Variants in CLYBL observed in about 807,000 individuals in gnomAD.
CLYBL encodes the protein citramalyl-CoA lyase.
A neutral mutation model predicts 38.9 loss-of-function variants in CLYBL; 31 were observed. That is an observed-to-expected ratio of 0.80 (90% CI 0.60 to 1.08). The LOEUF (loss-of-function observed/expected upper bound fraction) is 1.08. Among genes scored for constraint, CLYBL ranks in the 50% least tolerant of loss-of-function variants. The pLI, the probability that CLYBL is intolerant of heterozygous loss-of-function variation, is 0.00. For synonymous variants in CLYBL, 171 were observed against 158.6 expected (o/e 1.08, Z -0.59); for missense variants, 434 against 411.6 (o/e 1.05, Z -0.47).
At chr13:99,881,189 A>G (rs910827081) in intron 7 of CLYBL, among the ~76,000 whole-genome samples, 2 of 152,194 alleles carry the variant, frequency 1.3e-5, no homozygotes, top group African/African-American at 4.8e-5. Flanking sequence ...GATTAGCACA[A>G]TGTGAATTGG....
At chr13:99,832,488 G>A (rs966029346) in intron 2 of CLYBL, among the ~76,000 whole-genome samples, 1 of 152,204 alleles carries the variant, frequency 6.6e-6, no homozygotes, top group Non-Finnish European at 1.5e-5. Flanking sequence ...CATGTCATTG[G>A]ATAGTGATAA....
chr13:99,769,239 T>C (rs111673127), intron 1 of CLYBL, among the ~76,000 whole-genome samples: 7 of 152,322 alleles, frequency 4.6e-5, no homozygotes, highest in African/African-American at 1.7e-4. Flanking sequence ...GCTGCTCTGC[T>C]AAGAGCTGAA....
At chr13:99,825,542 T>G (rs2050678384) in intron 2 of CLYBL, among the ~76,000 whole-genome samples, 1 of 152,142 alleles carries the variant, frequency 6.6e-6, no homozygotes, top group Non-Finnish European at 1.5e-5. Context: ...CATTTATTAA[T>G]ATAAAGATTA....
chr13:99,863,497 C>T (rs2051661457), intron 4 of CLYBL, among the ~76,000 whole-genome samples: 2 of 152,148 alleles, frequency 1.3e-5, no homozygotes, highest in Non-Finnish European at 2.9e-5. Flanking sequence ...ATGTTCTGCC[C>T]TCTCTGTAGC....
At chr13:99,733,561 G>C (rs1415243342) in intron 1 of CLYBL, among the ~76,000 whole-genome samples, 1 of 152,184 alleles carries the variant, frequency 6.6e-6, no homozygotes, top group South Asian at 2.1e-4. Flanking sequence ...AGGAACACCA[G>C]GTCATTATCG....
chr13:99,631,420 A>T (rs1244265638), intron 1 of CLYBL, among the ~76,000 whole-genome samples: 1 of 151,884 alleles, frequency 6.6e-6, no homozygotes, highest in Non-Finnish European at 1.5e-5. Context: ...TATATTACAT[A>T]CATATATGTG....
intron 1 of CLYBL, among the ~76,000 whole-genome samples, chr13:99,666,333 C>T (rs2047480774): frequency 6.6e-6 from 1 of 152,062 alleles, no homozygotes; most frequent in Non-Finnish European, 1.5e-5. Context: ...TGTGACCACA[C>T]CTGAGTGGCT....
At chr13:99,739,697 G>C (rs1048439744) in intron 1 of CLYBL, among the ~76,000 whole-genome samples, 1 of 152,212 alleles carries the variant, frequency 6.6e-6, no homozygotes, top group Non-Finnish European at 1.5e-5. Flanking sequence ...CTTGTGGCCG[G>C]GCATGGTGGC....
chr13:99,882,981 C>G (rs114616933), intron 7 of CLYBL, among the ~76,000 whole-genome samples: 2,135 of 151,950 alleles, frequency 0.014, 62 homozygotes, highest in African/African-American at 0.049. Context: ...GCCAGGCCAG[C>G]CCAGCCCAGC....
intron 1 of CLYBL, among the ~76,000 whole-genome samples, chr13:99,609,591 C>T (rs2046594467): frequency 6.6e-6 from 1 of 152,214 alleles, no homozygotes; most frequent in African/African-American, 2.4e-5. Flanking sequence ...GGCTGGAGTG[C>T]AGTGGTGCAA....
rs1305599098 is a variant in CLYBL, at chr13:99,869,795, A to G, written c.803-1143A>G. Among the ~76,000 whole-genome samples the G allele has an allele frequency of 1.3e-5, 2 of 152,166 alleles. No homozygotes were observed. The highest frequency in any genetic ancestry group is 1.9e-4 in the East Asian group (1 of 5,204). ...GTCTAAATGTTAAAATAACTATTTC[A>G]AAAGCAAAGCAAACTGATATACCAA... On this transcript the variant is annotated intron_variant, in intron 6 of 8. Transcript: ENST00000339105. The surrounding 1 kb of genome is among the most constrained non-coding windows in gnomAD (Gnocchi z 4.3).
At chr13:99,843,386 A>G (rs2051129352) in intron 2 of CLYBL, among the ~76,000 whole-genome samples, 1 of 152,082 alleles carries the variant, frequency 6.6e-6, no homozygotes. Context: ...CTCCTATCCC[A>G]TTAGTTAATT....
Position 99,849,226 on chromosome 13 carries a change from G to A in CLYBL, c.250-9635G>A, listed in dbSNP as rs952428213. Among the ~76,000 whole-genome samples, 2 of 152,086 alleles carry A rather than the reference G, an allele frequency of 1.3e-5. No individual in the cohort carries two copies. The highest frequency in any genetic ancestry group is 6.5e-5 in the Admixed American group (1 of 15,276). On this transcript the variant is annotated intron_variant, in intron 2 of 8. Transcript: ENST00000339105. The surrounding 1 kb of genome is among the most constrained non-coding windows in gnomAD (Gnocchi z 4.9). ...ATACTCTGTCTTTTTTAAAAGTTGT[G>A]TGTAGCCGAGTGTGGTGGTGCATGT... is the stretch of plus-strand genomic sequence containing the variant.
At chr13:99,661,350 A>C (rs763123769) in intron 1 of CLYBL, among the ~76,000 whole-genome samples, 3 of 152,212 alleles carry the variant, frequency 2.0e-5, no homozygotes, top group Non-Finnish European at 4.4e-5. Flanking sequence ...GTTAGACATG[A>C]GGGTACAATC....
intron 1 of CLYBL, among the ~76,000 whole-genome samples, chr13:99,745,142 A>G (rs1186846427): frequency 6.6e-6 from 1 of 152,236 alleles, no homozygotes; most frequent in Non-Finnish European, 1.5e-5. Flanking sequence ...TTCAAAAGAC[A>G]AGCACAAAAG....
chr13:99,687,484 A>G (rs7326626), intron 1 of CLYBL, among the ~76,000 whole-genome samples: 10,572 of 152,202 alleles, frequency 0.069, 1,240 homozygotes, highest in African/African-American at 0.24. Context: ...GGCTGGATCC[A>G]CTTTTTCCTG....
At chr13:99,752,959 G>C (rs2048984514) in intron 1 of CLYBL, among the ~76,000 whole-genome samples, 1 of 152,158 alleles carries the variant, frequency 6.6e-6, no homozygotes, top group Admixed American at 6.5e-5. Flanking sequence ...AAAAGGGGAA[G>C]GCCTGTGAAG....
chr13:99,864,916 C>T lies in CLYBL; in HGVS notation c.634+5C>T. On this transcript the variant is annotated splice_donor_5th_base_variant and intron_variant, in intron 5 of 8. Transcript: ENST00000339105. Reference sequence around the variant, plus strand: ...AAGACTTTCGAGCCAGCATAGGTGTCAAAGACATCTCTCTCTCTCTTTTTC... The same window carrying T: ...AAGACTTTCGAGCCAGCATAGGTGTTAAAGACATCTCTCTCTCTCTTTTTC... 6.3e-7 allele frequency: 1 copy of T among 1,582,820 alleles called. No individual in the cohort carries two copies. Among genetic ancestry groups the T allele is most frequent in the Non-Finnish European group, 8.7e-7 (1 of 1,153,840 alleles).
intron 1 of CLYBL, among the ~76,000 whole-genome samples, chr13:99,685,790 C>G (rs895549925): frequency 1.3e-5 from 2 of 151,904 alleles, no homozygotes; most frequent in African/African-American, 4.8e-5. Context: ...GGTGAAACCC[C>G]GCCTCTACTA....
Sources: allele counts gnomAD v4.1 joint callset (sites outside exome capture counted in the v4.1 genomes callset), GRCh38; gene constraint gnomAD v4.1.1; non-coding constraint Gnocchi (gnomAD v3.1); transcripts MANE v1.5; gene names NCBI Gene and HGNC (gene_info 2026-07-23, HGNC 2026-07-21).